The following KCNH8 variants were observed in gnomAD, a reference collection of about 807,000 sequenced individuals.
KCNH8 encodes the protein voltage-gated delayed rectifier potassium channel KCNH8.
A neutral mutation model predicts 103.6 loss-of-function variants in KCNH8; 70 were observed. The ratio of observed to expected loss-of-function variants is 0.68; its 90% CI spans 0.56 to 0.82. The LOEUF (loss-of-function observed/expected upper bound fraction) is 0.82, where lower values mean the gene tolerates loss of function less well. Among genes scored for constraint, KCNH8 ranks in the 40% least tolerant of loss-of-function variants. KCNH8 has a pLI of 0.00. For missense variants in KCNH8, 1,217 were observed against 1,329.9 expected (o/e 0.92, Z 1.32); for synonymous variants, 498 against 489.4 (o/e 1.02, Z -0.23).
chr3:19,484,543 T>C (rs1426766618), intron 11 of KCNH8, among the ~76,000 whole-genome samples: 1 of 152,210 alleles, frequency 6.6e-6, no homozygotes, highest in African/African-American at 2.4e-5. Context: ...AGAGTCACTT[T>C]GCAGGGCTTG....
At chr3:19,425,623 A>T (rs1040454457) in intron 7 of KCNH8, among the ~76,000 whole-genome samples, 5 of 152,220 alleles carry the variant, frequency 3.3e-5, no homozygotes, top group Admixed American at 3.3e-4. Flanking sequence ...TGCAAAGGGA[A>T]CTGGTCTGAA....
rs183649679 is a variant in KCNH8 at position 19,415,257 on chromosome 3, T to C, written c.1177+19946T>C. Among the ~76,000 whole-genome samples the C allele has an allele frequency of 2.4e-3, 372 of 152,082 alleles. 3 individuals carry two copies. Among genetic ancestry groups the C allele is most frequent in the Non-Finnish European group, 1.2e-3 (79 of 67,902 alleles). On this transcript the variant is annotated intron_variant, in intron 7 of 15. Transcript: ENST00000328405. ...CTCATTTAATATTGTCACAATTCTA[T>C]GAGCCCAATACTATTATTATTCCCA...
Position 19,148,713 on chromosome 3 carries a change from T to C in KCNH8, c.-7T>C. On this transcript the variant is annotated 5_prime_UTR_variant, in exon 1 of 16. Coordinates refer to ENST00000328405, the MANE Select transcript of KCNH8 (RefSeq NM_144633.3). ...TTTGATGGAGAATTTCACACCACGC[T>C]GGAAAAATGCCGGTTATGAAAGGAT... is the stretch of plus-strand genomic sequence containing the variant. The C allele has an allele frequency of 6.2e-7, 1 of 1,613,984 alleles. No individual in the cohort carries two copies. Among genetic ancestry groups the C allele is most frequent in the Non-Finnish European group, 8.5e-7 (1 of 1,179,858 alleles).
intron 11 of KCNH8, among the ~76,000 whole-genome samples, chr3:19,503,707 T>A (rs1397266708): frequency 1.4e-5 from 2 of 144,002 alleles, no homozygotes; most frequent in Non-Finnish European, 3.0e-5. Context: ...ATATTCTCAC[T>A]CATAGGTGGG....
chr3:19,233,956 G>GT (rs2064027375), intron 1 of KCNH8, among the ~76,000 whole-genome samples: 1 of 152,184 alleles, frequency 6.6e-6, no homozygotes, highest in South Asian at 2.1e-4. Flanking sequence ...AAGGCAGTGT[G>GT]GAGCCAAAGA....
At chr3:19,371,393 C>T (rs1234697174) in intron 5 of KCNH8, among the ~76,000 whole-genome samples, 3 of 151,794 alleles carry the variant, frequency 2.0e-5, no homozygotes, top group African/African-American at 7.3e-5. Flanking sequence ...TGTTTTTTGG[C>T]TGCATAAATG....
At chr3:19,459,427 T>C (rs1189293809) in intron 11 of KCNH8, among the ~76,000 whole-genome samples, 1 of 152,026 alleles carries the variant, frequency 6.6e-6, no homozygotes, top group Non-Finnish European at 1.5e-5. Flanking sequence ...AATCAGGTTA[T>C]TTAATTTCTT....
chr3:19,505,683 T>C (rs1215774580), intron 11 of KCNH8, among the ~76,000 whole-genome samples: 1 of 152,106 alleles, frequency 6.6e-6, no homozygotes, highest in African/African-American at 2.4e-5. Flanking sequence ...GTTCTCTGCA[T>C]TTTCTGAACT....
intron 1 of KCNH8, among the ~76,000 whole-genome samples, chr3:19,158,999 A>G (rs902359883): frequency 6.6e-6 from 1 of 151,824 alleles, no homozygotes; most frequent in Non-Finnish European, 1.5e-5. Context: ...GTATTATTTT[A>G]TTGTTTTTCT....
intron 3 of KCNH8, among the ~76,000 whole-genome samples, chr3:19,341,569 G>A (rs1213576030): frequency 6.6e-6 from 1 of 152,074 alleles, no homozygotes; most frequent in Non-Finnish European, 1.5e-5. Context: ...TGGCACATAT[G>A]ATGAGAAAAT....
intron 7 of KCNH8, among the ~76,000 whole-genome samples, chr3:19,428,153 T>G (rs2067056865): frequency 6.6e-6 from 1 of 152,212 alleles, no homozygotes; most frequent in Non-Finnish European, 1.5e-5. Flanking sequence ...CATTTCAGAT[T>G]GTAATACATA....
chr3:19,238,495 C>A (rs1405016135), intron 1 of KCNH8, among the ~76,000 whole-genome samples: 1 of 152,120 alleles, frequency 6.6e-6, no homozygotes, highest in African/African-American at 2.4e-5. Flanking sequence ...GACACTTGCA[C>A]CCCTTTATGA....
intron 2 of KCNH8, among the ~76,000 whole-genome samples, chr3:19,273,321 G>A (rs888281838): frequency 3.9e-5 from 6 of 152,146 alleles, no homozygotes. Flanking sequence ...TCAAGAGAGT[G>A]GGTTTGTTTC....
At chr3:19,464,739 C>T (rs1408275998) in intron 11 of KCNH8, among the ~76,000 whole-genome samples, 1 of 152,100 alleles carries the variant, frequency 6.6e-6, no homozygotes, top group South Asian at 2.1e-4. Context: ...TTTCAAGTGG[C>T]TGATATCCAA....
chr3:19,494,767 G>A (rs1251085001), intron 11 of KCNH8, among the ~76,000 whole-genome samples: 1 of 152,040 alleles, frequency 6.6e-6, no homozygotes, highest in Non-Finnish European at 1.5e-5. Context: ...AGGTCTTTGA[G>A]GAGTCACCGC....
intron 11 of KCNH8, among the ~76,000 whole-genome samples, chr3:19,472,473 C>T (rs1246491357): frequency 6.6e-6 from 1 of 152,054 alleles, no homozygotes; most frequent in Non-Finnish European, 1.5e-5. Context: ...TCTCATGAGA[C>T]CTGATTGTTT....
At chr3:19,251,427 G>C (rs542413772) in intron 1 of KCNH8, among the ~76,000 whole-genome samples, 2 of 152,096 alleles carry the variant, frequency 1.3e-5, no homozygotes, top group Non-Finnish European at 2.9e-5. Context: ...AGAAGAGCCA[G>C]CTGGGCAGAG....
intron 15 of KCNH8, among the ~76,000 whole-genome samples, chr3:19,529,083 A>C (rs186866619): frequency 9.2e-5 from 14 of 152,258 alleles, no homozygotes; most frequent in African/African-American, 2.4e-4. Flanking sequence ...TGAAGGGTAA[A>C]GCTCACTGTA....
chr3:19,198,193 C>T (rs1399263343), intron 1 of KCNH8, among the ~76,000 whole-genome samples: 1 of 151,920 alleles, frequency 6.6e-6, no homozygotes, highest in Non-Finnish European at 1.5e-5. Context: ...ATTTAACACC[C>T]AGTACAGAAA....
Sources: gnomAD v4.1 joint callset for allele counts (sites outside exome capture counted in the v4.1 genomes callset) on GRCh38, gnomAD v4.1.1 for gene constraint, MANE v1.5 for transcripts, NCBI Gene and HGNC (gene_info 2026-07-23, HGNC 2026-07-21) for gene names.